The following KLHL32 variants were observed in gnomAD, a reference collection of about 807,000 sequenced individuals.
KLHL32 encodes kelch-like protein 32.
Under a neutral mutation model 64.8 loss-of-function variants are expected in KLHL32, and 35 were observed. The observed-to-expected ratio is 0.54, with a 90% CI of 0.41 to 0.72. The LOEUF (loss-of-function observed/expected upper bound fraction) is 0.72. Ranked by LOEUF, KLHL32 falls within the 30% of genes least tolerant of loss-of-function variation. KLHL32 has a pLI of 0.00. For missense variants in KLHL32, 589 were observed against 768.5 expected, an observed-to-expected ratio of 0.77 and a Z score of 2.76; for synonymous variants, 259 against 281.0, an observed-to-expected ratio of 0.92 and a Z score of 0.78.
the KLHL32 span, among the ~76,000 whole-genome samples, chr6:96,909,871 G>A: frequency 2.6e-5 from 4 of 152,182 alleles, no homozygotes; most frequent in African/African-American, 9.7e-5. Flanking sequence ...TGTCCTGCTG[G>A]TATTGTAAAA....
intron 6 of KLHL32, among the ~76,000 whole-genome samples, chr6:97,102,578 C>T (rs1795865782): frequency 6.6e-6 from 1 of 152,058 alleles, no homozygotes; most frequent in African/African-American, 2.4e-5. Context: ...TGCTCTGATG[C>T]AATCCCAGCC....
intron 4 of KLHL32, among the ~76,000 whole-genome samples, chr6:97,059,316 G>T (rs2128146169): frequency 6.6e-6 from 1 of 152,322 alleles, no homozygotes; most frequent in East Asian, 1.9e-4. Flanking sequence ...TTAGCAAAGG[G>T]ACCAGAAGGT....
intron 1 of KLHL32, among the ~76,000 whole-genome samples, chr6:96,955,054 A>T (rs1285934258): frequency 1.3e-5 from 2 of 152,222 alleles, no homozygotes; most frequent in African/African-American, 2.4e-5. Flanking sequence ...GAGAAACGAG[A>T]GAGGAAGCAA....
At chr6:97,124,573 A>G (rs543935037) in intron 7 of KLHL32, among the ~76,000 whole-genome samples, 1 of 152,320 alleles carries the variant, frequency 6.6e-6, no homozygotes, top group African/African-American at 2.4e-5. Context: ...TACATACAGT[A>G]GTGTAAGTAT....
chr6:96,978,572 C>T (rs139758262), intron 3 of KLHL32, among the ~76,000 whole-genome samples: 1 of 152,160 alleles, frequency 6.6e-6, no homozygotes, highest in Admixed American at 6.5e-5. Flanking sequence ...GATTCCATGT[C>T]TTTGCTATTG....
At chr6:97,132,104 C>T (rs1426425499) in intron 9 of KLHL32, among the ~76,000 whole-genome samples, 6 of 152,070 alleles carry the variant, frequency 3.9e-5, no homozygotes, top group Admixed American at 3.9e-4. Context: ...GGTCCCAGCT[C>T]AGGAACTTTA....
intron 1 of KLHL32, among the ~76,000 whole-genome samples, chr6:96,945,324 C>G (rs7774577): frequency 0.74 from 112,883 of 152,132 alleles, 42,199 homozygotes; most frequent in African/African-American, 0.82. Context: ...TGAAGAGTTG[C>G]AAAACCACAT....
At chr6:97,136,010 A>G (rs529422108) in intron 10 of KLHL32, among the ~76,000 whole-genome samples, 1 of 152,342 alleles carries the variant, frequency 6.6e-6, no homozygotes, top group South Asian at 2.1e-4. Context: ...ACAGAAGCAT[A>G]GTGGGGAAAA....
chr6:96,908,460 CA>C, the KLHL32 span, among the ~76,000 whole-genome samples: 1 of 152,186 alleles, frequency 6.6e-6, no homozygotes, highest in Non-Finnish European at 1.5e-5. Context: ...AGGGTTCTGC[CA>C]CATGCACACC....
chr6:96,979,041 A>G (rs1459779921), intron 3 of KLHL32, among the ~76,000 whole-genome samples: 2 of 151,628 alleles, frequency 1.3e-5, no homozygotes, highest in Admixed American at 6.6e-5. Flanking sequence ...TAGATTCTGG[A>G]TAGTAGATCT....
chr6:97,106,741 T>TAAA (rs1202616882), intron 6 of KLHL32, among the ~76,000 whole-genome samples: 1 of 137,362 alleles, frequency 7.3e-6, no homozygotes, highest in African/African-American at 3.2e-5. Context: ...AGACCCTGTC[T>TAAA]CAAAAAAAAA....
the KLHL32 span, among the ~76,000 whole-genome samples, chr6:96,913,138 A>G: frequency 6.6e-6 from 1 of 152,386 alleles, no homozygotes; most frequent in East Asian, 1.9e-4. Context: ...CTAAGATTAG[A>G]AAGGACTATT....
intron 1 of KLHL32, among the ~76,000 whole-genome samples, chr6:96,929,800 A>C (rs1231691798): frequency 1.3e-5 from 2 of 152,198 alleles, no homozygotes; most frequent in Non-Finnish European, 2.9e-5. Context: ...AGGAAAAAAA[A>C]CAGTTTTGCA....
chr6:97,029,391 A>G (rs969256336), intron 3 of KLHL32, among the ~76,000 whole-genome samples: 5 of 152,262 alleles, frequency 3.3e-5, no homozygotes, highest in Admixed American at 6.5e-5. Context: ...TTTTTAGCAT[A>G]TAAGATGGAT....
At chr6:97,023,332 A>G (rs138222606) in intron 3 of KLHL32, among the ~76,000 whole-genome samples, 259 of 152,366 alleles carry the variant, frequency 1.7e-3, no homozygotes, top group Non-Finnish European at 3.0e-3. Flanking sequence ...GACAATCTAT[A>G]AACTATAAGC....
intron 5 of KLHL32, among the ~76,000 whole-genome samples, chr6:97,079,640 T>G (rs556205050): frequency 1.3e-5 from 2 of 152,276 alleles, no homozygotes; most frequent in East Asian, 3.9e-4. Context: ...ATAGCTAGTG[T>G]GGTATTGAGG....
chr6:96,996,929 C>T (rs940062927), intron 3 of KLHL32, among the ~76,000 whole-genome samples: 1 of 151,846 alleles, frequency 6.6e-6, no homozygotes, highest in Non-Finnish European at 1.5e-5. Flanking sequence ...CTGATGATGG[C>T]CTGAAGTAAG....
intron 2 of KLHL32, among the ~76,000 whole-genome samples, chr6:96,968,736 C>A (rs552941598): frequency 6.6e-6 from 1 of 152,252 alleles, no homozygotes; most frequent in Admixed American, 6.5e-5. Flanking sequence ...ACATGCTCTG[C>A]TGTATCATCT....
intron 3 of KLHL32, among the ~76,000 whole-genome samples, chr6:97,007,825 T>A (rs1289256472): frequency 6.6e-6 from 1 of 152,196 alleles, no homozygotes; most frequent in African/African-American, 2.4e-5. Flanking sequence ...AGCTTTGTTC[T>A]CTGGCCCCTA....
Sources: allele counts gnomAD v4.1 joint callset (sites outside exome capture counted in the v4.1 genomes callset), GRCh38; gene constraint gnomAD v4.1.1; transcripts MANE v1.5; gene names NCBI Gene and HGNC (gene_info 2026-07-23, HGNC 2026-07-21).